The following TTBK1 variants were observed in gnomAD, a reference collection of about 807,000 sequenced individuals.
TTBK1 encodes the protein tau-tubulin kinase 1.
TTBK1 carries 34 observed loss-of-function variants against 108.5 expected under a neutral mutation model. The observed-to-expected ratio is 0.31, with a 90% CI of 0.24 to 0.42. The LOEUF is 0.42. Ranked by LOEUF, TTBK1 falls within the 10% of genes least tolerant of loss-of-function variation. TTBK1 has a pLI of 1.00. For missense variants in TTBK1, 1,539 were observed against 1,826.0 expected (o/e 0.84, Z 2.86); for synonymous variants, 809 against 795.1 (o/e 1.02, Z -0.29).
intron 13 of TTBK1, chr6:43,271,092 C>T: frequency 1.0e-6 from 1 of 985,496 alleles, no homozygotes; most frequent in Non-Finnish European, 1.2e-6. Context: ...CCAAGTTTCC[C>T]TTTATTCATC....
rs192548152 is a variant in TTBK1 at position 43,285,757 on chromosome 6, C to G, written c.*381C>G. 6.1e-6 allele frequency: 1 copy of G among 164,352 alleles called. No individual in the cohort carries two copies. The highest frequency in any genetic ancestry group is 2.4e-5 in the African/African-American group (1 of 41,952). 10.2% of individuals were successfully genotyped at this position (164,352 alleles called of 1,614,324 possible). On this transcript the variant is annotated 3_prime_UTR_variant, in exon 15 of 15. Transcript: ENST00000259750. This position sits in a 1 kb window ranked among gnomAD's most constrained non-coding sequence, Gnocchi z 4.7. ...TCGTTCGCCCACCAGGCCTAGGCTACGCTCCATGCTCCCCCAGCAATCTCT... is the reference window on the plus strand; with the variant it reads ...TCGTTCGCCCACCAGGCCTAGGCTAGGCTCCATGCTCCCCCAGCAATCTCT...
intron 13 of TTBK1, chr6:43,270,895 C>A: frequency 1.0e-6 from 1 of 985,538 alleles, no homozygotes; most frequent in Non-Finnish European, 1.2e-6. Context: ...CCCACCTCTG[C>A]CCTTCTCAGA....
At chr6:43,270,426 TGTGTG>T in intron 13 of TTBK1, 1 of 893,554 alleles carries the variant, frequency 1.1e-6, no homozygotes, top group Non-Finnish European at 1.3e-6. Flanking sequence ...TGTGTGTGTG[TGTGTG>T]TGTGTGTGTG....
chr6:43,247,554 G>C (rs574365902), intron 2 of TTBK1, among the ~76,000 whole-genome samples: 1 of 152,004 alleles, frequency 6.6e-6, no homozygotes. Flanking sequence ...GGAAACCCGT[G>C]TGTGAGCCTG....
Position 43,255,554 on chromosome 6 carries a change from G to A in TTBK1, c.645G>A (p.Glu215=), listed in dbSNP as rs754161044. Reference sequence around the variant, plus strand: ...TGACTCCCTCCCCCCACCTCCAGGAGATGGGCCGCCACGACGACCTGTGGT... The same window carrying A: ...TGACTCCCTCCCCCCACCTCCAGGAAATGGGCCGCCACGACGACCTGTGGT... ...YASVNAHKNR[E]MGRHDDLWSL... is the part of the protein sequence containing the mutation. Residue 215 remains glutamate (E), a splice_region_variant and synonymous_variant, in exon 8 of 15, where the codon GAG becomes GAA. Coordinates refer to ENST00000259750, the MANE Select transcript of TTBK1 (RefSeq NM_032538.3). 1 of 1,602,404 alleles carries A rather than the reference G, an allele frequency of 6.2e-7. No individual in the cohort carries two copies. The highest frequency in any genetic ancestry group is 1.7e-5 in the Admixed American group (1 of 57,874).
Position 43,286,287 on chromosome 6 carries a change from T to C in TTBK1, c.*911T>C, listed in dbSNP as rs762875832. ...TCCCTCCCCTGTTCCCCTGATCTAGTGCTCAGGACCCTTCACCATCAGGAA... is the reference window on the plus strand; with the variant it reads ...TCCCTCCCCTGTTCCCCTGATCTAGCGCTCAGGACCCTTCACCATCAGGAA... On this transcript the variant is annotated 3_prime_UTR_variant, in exon 15 of 15. Coordinates refer to ENST00000259750, the MANE Select transcript of TTBK1 (RefSeq NM_032538.3). The surrounding 1 kb of genome is among the most constrained non-coding windows in gnomAD (Gnocchi z 4.6). 1.7e-4 allele frequency: 26 copies of C among 152,806 alleles called. No individual in the cohort carries two copies. Among genetic ancestry groups the C allele is most frequent in the Non-Finnish European group, 3.2e-4 (22 of 68,058 alleles). 9.5% of individuals were successfully genotyped at this position (152,806 alleles called of 1,614,324 possible). A position where few individuals can be genotyped will look rare whatever the true frequency, so the allele number is the denominator to read the frequency against.
At position 43,263,263 on chromosome 6, in the gene TTBK1, C is replaced by G. The variant is rs201649796; in HGVS notation, c.1899C>G (p.Pro633=). Residue 633 remains proline, a synonymous_variant, in exon 13 of 15, where the codon CCC becomes CCG. Transcript: ENST00000259750. The surrounding 1 kb of genome is among the most constrained non-coding windows in gnomAD (Gnocchi z 4.7). ...GDGRSETSQP[P]TPGSPSHSPL... ...GCCGTTCCGAGACGTCACAGCCCCC[C>G]ACGCCTGGCAGCCCTTCCCACTCAC... The G allele has an allele frequency of 1.9e-6, 3 of 1,540,612 alleles. No homozygotes were observed. Among genetic ancestry groups the G allele is most frequent in the Admixed American group, 2.0e-5 (1 of 50,034 alleles).
rs1340673913 is a variant in TTBK1 at position 43,286,637 on chromosome 6, CTT to C, written c.*1262_*1263del. On this transcript the variant is annotated 3_prime_UTR_variant, in exon 15 of 15. Transcript: ENST00000259750. This position sits in a 1 kb window ranked among gnomAD's most constrained non-coding sequence, Gnocchi z 4.6. ...GATGGGTCCCCAGCCCAAGCCCACT[CTT>C]CCCTCAGCTCACCCTTCAGCCTGTT... The C allele has an allele frequency of 6.6e-6, 1 of 152,552 alleles. No individual in the cohort carries two copies. The highest frequency in any genetic ancestry group is 1.5e-5 in the Non-Finnish European group (1 of 68,194). The allele number at this position is 152,552 out of a possible 1,614,324, so 9.4% of individuals were successfully genotyped here.
At chr6:43,275,401 TCCC>T (rs201241269) in intron 13 of TTBK1, among the ~76,000 whole-genome samples, 10,674 of 151,982 alleles carry the variant, frequency 0.07, 467 homozygotes, top group Admixed American at 0.1. Context: ...CGTTTGCTTT[TCCC>T]TGCTGCTGGC....
At chr6:43,281,217 TA>T (rs796418769) in intron 13 of TTBK1, among the ~76,000 whole-genome samples, 3 of 150,262 alleles carry the variant, frequency 2.0e-5, no homozygotes, top group Non-Finnish European at 3.0e-5. Context: ...CTACTAAGAA[TA>T]AAAAAAAATT....
chr6:43,283,500 C>T lies in TTBK1; in HGVS notation c.2760C>T (p.Ser920=). The stretch of plus-strand genomic sequence containing the variant: ...GGGTCGGGGGCGTGGCAGTCACCTC[C>T]TCACCCTTCACCAAAGTTGAGAGGA... ...TTGVGGVAVT[S]SPFTKVERTF... The change falls in exon 14 of 15, where the codon TCC becomes TCT. Residue 920 remains serine, a synonymous_variant. Coordinates refer to ENST00000259750, the MANE Select transcript of TTBK1 (RefSeq NM_032538.3). The surrounding 1 kb of genome is among the most constrained non-coding windows in gnomAD (Gnocchi z 8.1). The T allele has an allele frequency of 6.2e-7, 1 of 1,614,180 alleles. No homozygotes were observed. Among genetic ancestry groups the T allele is most frequent in the Non-Finnish European group, 8.5e-7 (1 of 1,179,992 alleles).
chr6:43,278,047 G>A (rs887724312), intron 13 of TTBK1, among the ~76,000 whole-genome samples: 2 of 152,182 alleles, frequency 1.3e-5, no homozygotes, highest in African/African-American at 4.8e-5. Context: ...TTGGGACTGT[G>A]GGCCGGGGTG....
chr6:43,270,359 G>A (rs1378648881), intron 13 of TTBK1: 1 of 1,010,770 alleles, frequency 9.9e-7, no homozygotes, highest in Non-Finnish European at 1.2e-6. Flanking sequence ...CTCTTGGCAT[G>A]GCTGGGTCTG....
Position 43,257,197 on chromosome 6 carries a change from C to G in TTBK1, c.862-615C>G, listed in dbSNP as rs2150689541. On this transcript the variant is annotated intron_variant, in intron 9 of 14. Transcript: ENST00000259750. The surrounding 1 kb of genome is among the most constrained non-coding windows in gnomAD (Gnocchi z 4.5). ...TATAGCTGTCTGCCACCTCCTGAAC[C>G]CAGGGCCTGGCAGAGACGCCCCCTG... 6.6e-6 allele frequency among the ~76,000 whole-genome samples: 1 copy of G among 152,300 alleles called. No homozygotes were observed. The highest frequency in any genetic ancestry group is 2.1e-4 in the South Asian group (1 of 4,832).
At chr6:43,266,847 C>G (rs1777690417) in intron 13 of TTBK1, among the ~76,000 whole-genome samples, 1 of 152,070 alleles carries the variant, frequency 6.6e-6, no homozygotes, top group Admixed American at 6.6e-5. Flanking sequence ...AGCTCCTGAC[C>G]TCAGGTGATC....
rs1388851468 is a variant in TTBK1, at chr6:43,253,209, A to C, written c.257-82A>C. On this transcript the variant is annotated intron_variant, in intron 3 of 14. Transcript: ENST00000259750. This position sits in a 1 kb window ranked among gnomAD's most constrained non-coding sequence, Gnocchi z 5.8. ...CCAGCACTGGAGGGACCAGGAATCA[A>C]GAGTGCACTAGGAACCCATCTTAGG... is the stretch of plus-strand genomic sequence containing the variant. 1.4e-6 allele frequency: 2 copies of C among 1,460,086 alleles called. No homozygotes were observed. Among genetic ancestry groups the C allele is most frequent in the Non-Finnish European group, 1.9e-6 (2 of 1,040,808 alleles). 90.4% of individuals were successfully genotyped at this position (1,460,086 alleles called of 1,614,324 possible).
In TTBK1 at chr6:43,259,318, C is replaced by A; in HGVS notation, c.1248+49C>A. On this transcript the variant is annotated intron_variant, in intron 11 of 14. Transcript: ENST00000259750. The surrounding 1 kb of genome is among the most constrained non-coding windows in gnomAD (Gnocchi z 6.7). ...CGTGGGTGGCCTTTTCTCTCACCCC[C>A]GATTCCCAGCCTTGTGCCCCTGCCC... is the stretch of plus-strand genomic sequence containing the variant. The A allele has an allele frequency of 6.8e-7, 1 of 1,460,716 alleles. No homozygotes were observed. The highest frequency in any genetic ancestry group is 2.2e-5 in the Admixed American group (1 of 44,828). 90.5% of individuals were successfully genotyped at this position (1,460,716 alleles called of 1,614,324 possible). A position where few individuals can be genotyped will look rare whatever the true frequency, so the allele number is the denominator to read the frequency against.
chr6:43,254,695 T>C, intron 6 of TTBK1, 44 bp downstream of exon 6: 1 of 1,486,560 alleles, frequency 6.7e-7, no homozygotes, highest in Non-Finnish European at 9.0e-7. Flanking sequence ...GACTCCCCCC[T>C]ACTCCCAGAT....
intron 10 of TTBK1, 59 bp downstream of exon 10, chr6:43,258,025 G>A: frequency 6.4e-7 from 1 of 1,569,946 alleles, no homozygotes; most frequent in Non-Finnish European, 8.6e-7. Flanking sequence ...TAAGAGGGCA[G>A]GCGGTCCTCT....
Sources: allele counts gnomAD v4.1 joint callset (sites outside exome capture counted in the v4.1 genomes callset), GRCh38; gene constraint gnomAD v4.1.1; non-coding constraint Gnocchi (gnomAD v3.1); transcripts MANE v1.5; gene names NCBI Gene and HGNC (gene_info 2026-07-23, HGNC 2026-07-21).